KDM2A: variants seen among roughly 807,000 people sequenced by gnomAD.
The protein encoded by KDM2A is lysine demethylase 2A.
A neutral mutation model predicts 137.3 loss-of-function variants in KDM2A; 3 were observed. The ratio of observed to expected loss-of-function variants is 0.02; its 90% CI spans 0.01 to 0.06. The LOEUF is 0.06. KDM2A is among the 10% of genes least tolerant of loss of function. KDM2A has a pLI of 1.00. For synonymous variants in KDM2A, 512 were observed against 541.5 expected (o/e 0.95, Z 0.76); for missense variants, 738 against 1,510.6 (o/e 0.49, Z 8.48).
chr11:67,179,872 A>G (rs1164774312), intron 2 of KDM2A, among the ~76,000 whole-genome samples: 1 of 152,212 alleles, frequency 6.6e-6, no homozygotes, highest in Non-Finnish European at 1.5e-5. Context: ...AAATTCATAG[A>G]GGACCCAGTG....
chr11:67,199,591 A>T (rs1857567310), intron 5 of KDM2A, among the ~76,000 whole-genome samples: 1 of 152,228 alleles, frequency 6.6e-6, no homozygotes, highest in East Asian at 1.9e-4. Flanking sequence ...TAAAGCCCTG[A>T]TTCTCTTTAA....
chr11:67,196,264 T>C, intron 5 of KDM2A: 1 of 456,126 alleles, frequency 2.2e-6, no homozygotes, highest in Admixed American at 2.3e-5. Context: ...TGCTGCCACC[T>C]CCAGTTCTTC....
intron 11 of KDM2A, among the ~76,000 whole-genome samples, chr11:67,230,249 C>G (rs1387651934): frequency 6.6e-6 from 1 of 151,942 alleles, no homozygotes; most frequent in Non-Finnish European, 1.5e-5. Flanking sequence ...AGTTGGGAGG[C>G]TAAGGCAGGA....
intron 15 of KDM2A, among the ~76,000 whole-genome samples, chr11:67,247,077 T>A (rs1433912035): frequency 4.2e-3 from 305 of 72,690 alleles, no homozygotes; most frequent in East Asian, 7.4e-3. Flanking sequence ...ATATATTTTT[T>A]TTTTTTTTTT....
At chr11:67,251,130 G>T (rs893420955) in intron 17 of KDM2A, among the ~76,000 whole-genome samples, 1 of 152,128 alleles carries the variant, frequency 6.6e-6, no homozygotes, top group Non-Finnish European at 1.5e-5. Context: ...CCTCAAGTCA[G>T]CTGAACTCAT....
chr11:67,145,010 G>C (rs1356534139), intron 2 of KDM2A, among the ~76,000 whole-genome samples: 1 of 151,292 alleles, frequency 6.6e-6, no homozygotes, highest in Non-Finnish European at 1.5e-5. Flanking sequence ...GCTGGGTGTA[G>C]AGGCCCCCAC....
intron 2 of KDM2A, among the ~76,000 whole-genome samples, chr11:67,127,280 A>G (rs902216160): frequency 1.3e-5 from 2 of 151,922 alleles, no homozygotes; most frequent in Non-Finnish European, 2.9e-5. Flanking sequence ...TTTTTTCTGT[A>G]AAGGCAGGCT....
chr11:67,247,334 C>T (rs986416281), intron 15 of KDM2A, among the ~76,000 whole-genome samples: 3 of 150,024 alleles, frequency 2.0e-5, no homozygotes, highest in African/African-American at 4.9e-5. Flanking sequence ...AAGTGATTCA[C>T]CCGCCTTGGC....
chr11:67,122,643 T>TTTTATTTATTTATTTA (rs561153207), intron 2 of KDM2A, among the ~76,000 whole-genome samples: 1 of 144,576 alleles, frequency 6.9e-6, no homozygotes, highest in African/African-American at 2.6e-5. Context: ...TTTTATTTAT[T>TTTTATTTATTTATTTA]TTTATTTATT....
intron 12 of KDM2A, among the ~76,000 whole-genome samples, chr11:67,238,910 A>G (rs183935744): frequency 2.6e-4 from 39 of 152,332 alleles, no homozygotes; most frequent in African/African-American, 7.7e-4. Context: ...TAGAAACTCA[A>G]CCAGAGTGTG....
chr11:67,207,165 T>C (rs1458307577), intron 5 of KDM2A, among the ~76,000 whole-genome samples: 2 of 152,198 alleles, frequency 1.3e-5, no homozygotes, highest in Non-Finnish European at 2.9e-5. Context: ...CCGGTTCTTT[T>C]CCTGCTTTGT....
chr11:67,140,669 CT>C (rs1856079474), intron 2 of KDM2A, among the ~76,000 whole-genome samples: 1 of 152,034 alleles, frequency 6.6e-6, no homozygotes, highest in Admixed American at 6.6e-5. Flanking sequence ...AGGAGAGTTG[CT>C]TGAACCCGTG....
chr11:67,128,470 T>C (rs1159060458), intron 2 of KDM2A, among the ~76,000 whole-genome samples: 1 of 152,196 alleles, frequency 6.6e-6, no homozygotes, highest in Admixed American at 6.5e-5. Flanking sequence ...TTTCTAATTA[T>C]TTTATGAGAT....
At chr11:67,173,465 C>G (rs1856918003) in intron 2 of KDM2A, among the ~76,000 whole-genome samples, 1 of 152,048 alleles carries the variant, frequency 6.6e-6, no homozygotes, top group Admixed American at 6.6e-5. Context: ...GCAATATTGG[C>G]CAGGCTGGTC....
intron 6 of KDM2A, among the ~76,000 whole-genome samples, chr11:67,214,937 T>A (rs1363170692): frequency 6.6e-6 from 1 of 152,224 alleles, no homozygotes; most frequent in Non-Finnish European, 1.5e-5. Context: ...ACTTTTGGCA[T>A]CTTAACTGTT....
At chr11:67,159,316 G>A (rs1436641348) in intron 2 of KDM2A, among the ~76,000 whole-genome samples, 1 of 152,160 alleles carries the variant, frequency 6.6e-6, no homozygotes, top group Non-Finnish European at 1.5e-5. Context: ...CTGTGTCAAA[G>A]ATAATTATCT....
chr11:67,190,486 G>A (rs1245448673), intron 5 of KDM2A, among the ~76,000 whole-genome samples: 3 of 152,140 alleles, frequency 2.0e-5, no homozygotes, highest in Non-Finnish European at 1.5e-5. Flanking sequence ...AATACTATGC[G>A]TGGTGGCTCA....
In KDM2A at chr11:67,253,524, C is replaced by T. The variant is rs754247487; in HGVS notation, c.3004C>T (p.Leu1002Phe). 10 of 1,613,866 alleles carry T rather than the reference C, an allele frequency of 6.2e-6. No individual in the cohort carries two copies. The South Asian group carries it at 9.9e-5, about 16-fold the overall frequency. The change falls in exon 19 of 21, where the codon CTT becomes TTT. Residue 1002 changes from leucine to phenylalanine, a missense_variant. Transcript: ENST00000529006. ...TGCCCTCAGCACCTCCAGCTGCCCC[C>T]TTCTCAGGACCCTTGATCTTCGGTG... ...VSALSTSSCPLLRTLDLRWAV... is the reference protein window; with the variant it reads ...VSALSTSSCPFLRTLDLRWAV...
chr11:67,202,750 T>A (rs1857667301), intron 5 of KDM2A, among the ~76,000 whole-genome samples: 1 of 150,010 alleles, frequency 6.7e-6, no homozygotes, highest in Non-Finnish European at 1.5e-5. Flanking sequence ...CGCTCCAGCC[T>A]GGGCGACAGA....
Sources: gnomAD v4.1 joint callset for allele counts (sites outside exome capture counted in the v4.1 genomes callset) on GRCh38, gnomAD v4.1.1 for gene constraint, MANE v1.5 for transcripts, NCBI Gene and HGNC (gene_info 2026-07-23, HGNC 2026-07-21) for gene names.